Variants in GRM8 observed in about 807,000 individuals in gnomAD.
The protein encoded by GRM8 is glutamate metabotropic receptor 8, also known as metabotropic glutamate receptor 8.
GRM8 carries 47 observed loss-of-function variants against 87.2 expected under a neutral mutation model. The ratio of observed to expected loss-of-function variants is 0.54; its 90% CI spans 0.43 to 0.69. GRM8 has a LOEUF of 0.69. GRM8 is among the 30% of genes least tolerant of loss of function. The pLI is 0.00. For synonymous variants in GRM8, 396 were observed against 404.5 expected (o/e 0.98, Z 0.25); for missense variants, 1,019 against 1,139.2 (o/e 0.89, Z 1.52).
chr7:127,041,793 G>T lies in GRM8; in HGVS notation c.727+64703C>A, dbSNP rs139379222. ...GTCAGGTTGGTTTATGCAAATGAAC[G>T]ATGGAAACTAGCTTAGTGCTGGTTG... On this transcript the variant is annotated intron_variant, in intron 3 of 10. Transcript: ENST00000339582. 2.6e-5 allele frequency among the ~76,000 whole-genome samples: 4 copies of T among 152,292 alleles called. No individual in the cohort carries two copies. The East Asian group carries it at 7.7e-4, about 29-fold the overall frequency.
chr7:126,612,298 T>C (rs1799000497), intron 7 of GRM8, among the ~76,000 whole-genome samples: 1 of 152,212 alleles, frequency 6.6e-6, no homozygotes, highest in Non-Finnish European at 1.5e-5. Context: ...CACTAATCTC[T>C]GATCTCTTTC....
intron 7 of GRM8, among the ~76,000 whole-genome samples, chr7:126,689,434 C>T (rs1344863847): frequency 6.6e-6 from 1 of 152,116 alleles, no homozygotes; most frequent in Non-Finnish European, 1.5e-5. Context: ...AGCACTGGGC[C>T]TATTTTACAT....
intron 2 of GRM8, among the ~76,000 whole-genome samples, chr7:127,162,494 A>C (rs554293553): frequency 6.6e-6 from 1 of 152,300 alleles, no homozygotes; most frequent in East Asian, 1.9e-4. Flanking sequence ...GCTTTCTTGC[A>C]GTCAGGGAAT....
At chr7:126,971,980 T>C (rs1810476679) in intron 3 of GRM8, among the ~76,000 whole-genome samples, 1 of 152,164 alleles carries the variant, frequency 6.6e-6, no homozygotes, top group South Asian at 2.1e-4. Flanking sequence ...GACACCAATC[T>C]GCACTAATAA....
intron 2 of GRM8, among the ~76,000 whole-genome samples, chr7:127,117,512 T>A (rs1432290038): frequency 6.6e-6 from 1 of 152,248 alleles, no homozygotes; most frequent in African/African-American, 2.4e-5. Context: ...AAATCTCTGA[T>A]TATTCTTCAA....
At chr7:126,696,708 C>G (rs6963108) in intron 7 of GRM8, among the ~76,000 whole-genome samples, 101,088 of 152,008 alleles carry the variant, frequency 0.67, 34,241 homozygotes, top group African/African-American at 0.8. Flanking sequence ...TGGGAAGGAA[C>G]AAATCAGAGA....
At chr7:127,041,586 T>C (rs1158979159) in intron 3 of GRM8, among the ~76,000 whole-genome samples, 1 of 152,230 alleles carries the variant, frequency 6.6e-6, no homozygotes, top group Non-Finnish European at 1.5e-5. Context: ...GTATGAGATA[T>C]GCTGACAGAG....
At chr7:126,774,118 C>A (rs1819160675) in intron 6 of GRM8, among the ~76,000 whole-genome samples, 1 of 152,146 alleles carries the variant, frequency 6.6e-6, no homozygotes. Flanking sequence ...CATATGGTGA[C>A]AAACTGAAAG....
intron 9 of GRM8, among the ~76,000 whole-genome samples, chr7:126,470,862 G>C (rs911304925): frequency 2.6e-5 from 4 of 152,080 alleles, no homozygotes; most frequent in Non-Finnish European, 4.4e-5. Flanking sequence ...GCTGTTTCCT[G>C]ACTTTTTAAT....
intron 9 of GRM8, among the ~76,000 whole-genome samples, chr7:126,485,979 G>T (rs953137295): frequency 6.6e-6 from 1 of 151,930 alleles, no homozygotes; most frequent in Non-Finnish European, 1.5e-5. Context: ...ATTAAGTCAC[G>T]TACCTCTACA....
At chr7:127,086,507 T>C (rs143254783) in intron 3 of GRM8, among the ~76,000 whole-genome samples, 165 of 152,298 alleles carry the variant, frequency 1.1e-3, no homozygotes, top group Non-Finnish European at 1.9e-3. Context: ...TTGTCTTAAA[T>C]GCCTTTATCT....
intron 9 of GRM8, among the ~76,000 whole-genome samples, chr7:126,482,809 A>G (rs1433708024): frequency 6.6e-6 from 1 of 151,974 alleles, no homozygotes; most frequent in Non-Finnish European, 1.5e-5. Context: ...TCTTCTGTGT[A>G]ACTTTACTAC....
At chr7:127,188,390 T>A (rs1225157264) in intron 2 of GRM8, among the ~76,000 whole-genome samples, 1 of 152,162 alleles carries the variant, frequency 6.6e-6, no homozygotes, top group East Asian at 1.9e-4. Flanking sequence ...GTTTCTAGGA[T>A]GAAGGGCTAC....
At chr7:126,540,055 A>C (rs191724412) in intron 8 of GRM8, among the ~76,000 whole-genome samples, 26 of 152,240 alleles carry the variant, frequency 1.7e-4, no homozygotes, top group African/African-American at 5.5e-4. Context: ...TATTATCTCT[A>C]ATAAGGGATT....
At chr7:126,929,196 C>A (rs1179509186) in intron 3 of GRM8, among the ~76,000 whole-genome samples, 1 of 152,108 alleles carries the variant, frequency 6.6e-6, no homozygotes, top group Non-Finnish European at 1.5e-5. Context: ...CATAAAAAAG[C>A]TTAAAAATAA....
At chr7:127,203,026 C>T (rs1374418214) in intron 2 of GRM8, among the ~76,000 whole-genome samples, 2 of 152,158 alleles carry the variant, frequency 1.3e-5, no homozygotes, top group African/African-American at 4.8e-5. Context: ...GTCTTTGAGG[C>T]CAAATGCTAC....
chr7:126,755,250 A>G (rs1376878686), intron 7 of GRM8, among the ~76,000 whole-genome samples: 1 of 152,006 alleles, frequency 6.6e-6, no homozygotes, highest in African/African-American at 2.4e-5. Context: ...TTAACAGTGA[A>G]AATGCCTTTC....
At chr7:126,868,801 T>A (rs973036534) in intron 6 of GRM8, 3 of 152,252 alleles carry the variant, frequency 2.0e-5, no homozygotes, top group African/African-American at 7.2e-5. Flanking sequence ...TTTCTGCTGG[T>A]GGAGGTTCTT....
chr7:126,766,884 T>C (rs181495946), intron 7 of GRM8, among the ~76,000 whole-genome samples: 1 of 152,288 alleles, frequency 6.6e-6, no homozygotes, highest in East Asian at 1.9e-4. Flanking sequence ...ATAGCTGTTT[T>C]CTAGGTTCCT....
Sources: gnomAD v4.1 joint callset for allele counts (sites outside exome capture counted in the v4.1 genomes callset) on GRCh38, gnomAD v4.1.1 for gene constraint, MANE v1.5 for transcripts, NCBI Gene and HGNC (gene_info 2026-07-23, HGNC 2026-07-21) for gene names.